Variants in CDKAL1 observed in about 807,000 individuals in gnomAD.
CDKAL1 encodes the protein threonylcarbamoyladenosine tRNA methylthiotransferase.
In CDKAL1, 32 loss-of-function variants were observed where a neutral mutation model predicts 68.2. That is an observed-to-expected ratio of 0.47 (90% CI 0.35 to 0.63). The LOEUF is 0.63. CDKAL1 is among the 30% of genes least tolerant of loss of function. The pLI is 0.00. For missense variants in CDKAL1, 606 were observed against 696.7 expected (o/e 0.87, Z 1.47); for synonymous variants, 234 against 244.3 (o/e 0.96, Z 0.39).
intron 10 of CDKAL1, among the ~76,000 whole-genome samples, chr6:20,996,854 T>C (rs565552842): frequency 3.9e-4 from 59 of 152,354 alleles, no homozygotes; most frequent in Admixed American, 2.1e-3. Context: ...CCTGTACTTA[T>C]GTATATACCT....
At chr6:21,226,692 T>G (rs1364585441) in intron 15 of CDKAL1, among the ~76,000 whole-genome samples, 2 of 152,198 alleles carry the variant, frequency 1.3e-5, no homozygotes, top group East Asian at 3.9e-4. Context: ...GCTTGTTTTT[T>G]TTGTTGTTGC....
intron 4 of CDKAL1, chr6:20,558,619 A>G (rs1178511566): frequency 2.2e-6 from 1 of 456,328 alleles, no homozygotes; most frequent in Non-Finnish European, 4.4e-6. Context: ...TTTGTAATCT[A>G]AGAAGGAATT....
chr6:20,724,782 CA>C, intron 5 of CDKAL1, among the ~76,000 whole-genome samples: 1 of 152,308 alleles, frequency 6.6e-6, no homozygotes, highest in Non-Finnish European at 1.5e-5. Context: ...GCTCTCATAG[CA>C]TTCAGGTAGA....
intron 9 of CDKAL1, among the ~76,000 whole-genome samples, chr6:20,951,522 G>C (rs536816638): frequency 2.4e-4 from 36 of 152,248 alleles, no homozygotes; most frequent in Admixed American, 9.2e-4. Context: ...GTTTATTCAG[G>C]GAAAAATGGC....
At chr6:20,862,659 GTGTGCGCGCGTGCA>G (rs1356065178) in intron 9 of CDKAL1, among the ~76,000 whole-genome samples, 6 of 150,476 alleles carry the variant, frequency 4.0e-5, no homozygotes, top group East Asian at 1.9e-4. Context: ...GTGTGTGTGT[GTGTGCGCGCGTGCA>G]TGCGCGCGTG....
At chr6:20,914,920 T>C (rs1762652763) in intron 9 of CDKAL1, among the ~76,000 whole-genome samples, 1 of 152,144 alleles carries the variant, frequency 6.6e-6, no homozygotes, top group Non-Finnish European at 1.5e-5. Context: ...CCTGAACATA[T>C]TTTTTTACTT....
chr6:20,610,087 T>C (rs1415987147), intron 4 of CDKAL1, among the ~76,000 whole-genome samples: 3 of 152,200 alleles, frequency 2.0e-5, no homozygotes, highest in Non-Finnish European at 4.4e-5. Flanking sequence ...TCTCCATCCA[T>C]GTCCCTGCAA....
At chr6:21,174,084 A>G (rs1362477270) in intron 13 of CDKAL1, among the ~76,000 whole-genome samples, 2 of 152,212 alleles carry the variant, frequency 1.3e-5, no homozygotes, top group Admixed American at 6.5e-5. Context: ...TGTCTCAATT[A>G]AAAAAAGAAA....
intron 13 of CDKAL1, among the ~76,000 whole-genome samples, chr6:21,176,684 T>G (rs1051479099): frequency 7.5e-6 from 1 of 132,984 alleles, no homozygotes; most frequent in African/African-American, 2.9e-5. Flanking sequence ...GGATGTTGGT[T>G]TTTTTTTTTT....
At chr6:20,799,043 T>G (rs1213495646) in intron 8 of CDKAL1, among the ~76,000 whole-genome samples, 6 of 100,958 alleles carry the variant, frequency 5.9e-5, no homozygotes, top group African/African-American at 1.6e-4. Context: ...GAACTGAGTT[T>G]TTTTTTTTTT....
intron 5 of CDKAL1, among the ~76,000 whole-genome samples, chr6:20,732,474 A>T (rs113721586): frequency 6.9e-6 from 1 of 144,636 alleles, no homozygotes; most frequent in Non-Finnish European, 1.5e-5. Context: ...TTTAGTAGAG[A>T]TCGGGTTTCA....
chr6:21,220,357 T>C (rs1582441725), intron 15 of CDKAL1, among the ~76,000 whole-genome samples: 1 of 152,214 alleles, frequency 6.6e-6, no homozygotes, highest in East Asian at 1.9e-4. Context: ...GTTTTCCTTA[T>C]GTGCAGTTAC....
intron 12 of CDKAL1, among the ~76,000 whole-genome samples, chr6:21,099,780 T>C (rs1773491261): frequency 1.3e-5 from 2 of 152,250 alleles, no homozygotes; most frequent in South Asian, 4.1e-4. Flanking sequence ...ACTTTGTCTT[T>C]TTATTTTGCA....
chr6:21,011,943 TA>T lies in CDKAL1; in HGVS notation c.1055+11580del, dbSNP rs199634625. 6.6e-5 allele frequency among the ~76,000 whole-genome samples: 10 copies of T among 151,572 alleles called. No homozygotes were observed. The South Asian group carries it at 1.0e-3, about 16-fold the overall frequency. On this transcript the variant is annotated intron_variant, in intron 11 of 15. Transcript: ENST00000274695. ...TGCAAGTGACAGAAAAAATATGGCA[TA>T]AAAAAAAAGTTTATTTCTCAGTCAT...
chr6:20,562,598 C>G (rs563698449), intron 4 of CDKAL1, among the ~76,000 whole-genome samples: 3 of 151,882 alleles, frequency 2.0e-5, no homozygotes, highest in Non-Finnish European at 2.9e-5. Flanking sequence ...AAAAATTAAT[C>G]GGCTATGGTG....
intron 13 of CDKAL1, among the ~76,000 whole-genome samples, chr6:21,192,082 C>G (rs866588449): frequency 8.6e-6 from 1 of 116,470 alleles, no homozygotes. Context: ...ACTGCAGTGG[C>G]GCAATCTCGG....
chr6:20,637,090 T>G (rs1767943160), intron 4 of CDKAL1, among the ~76,000 whole-genome samples: 1 of 151,612 alleles, frequency 6.6e-6, no homozygotes, highest in African/African-American at 2.4e-5. Flanking sequence ...CACTGCTTTG[T>G]GCATTCTGCC....
intron 10 of CDKAL1, among the ~76,000 whole-genome samples, chr6:20,959,238 T>TA (rs1212680217): frequency 3.9e-5 from 6 of 152,096 alleles, no homozygotes; most frequent in African/African-American, 1.4e-4. Flanking sequence ...TCACTGCCCT[T>TA]AAAAAACAAT....
chr6:21,145,839 G>A (rs187292910), intron 13 of CDKAL1, among the ~76,000 whole-genome samples: 2 of 152,294 alleles, frequency 1.3e-5, no homozygotes, highest in East Asian at 3.9e-4. Context: ...GTTCAAGGCT[G>A]CAGCAAACTA....
Sources: gnomAD v4.1 joint callset for allele counts (sites outside exome capture counted in the v4.1 genomes callset) on GRCh38, gnomAD v4.1.1 for gene constraint, MANE v1.5 for transcripts, NCBI Gene and HGNC (gene_info 2026-07-23, HGNC 2026-07-21) for gene names.